The following NBAS variants were observed in gnomAD, a reference collection of about 807,000 sequenced individuals.
NBAS encodes the protein NBAS subunit of NRZ tethering complex, also known as NAG/BC035112 fusion.
Under a neutral mutation model 302.5 loss-of-function variants are expected in NBAS, and 219 were observed. The ratio of observed to expected loss-of-function variants is 0.72; its 90% confidence interval spans 0.65 to 0.81. The LOEUF is 0.81. NBAS is among the 30% of genes least tolerant of loss of function. The pLI is 0.00. For synonymous variants in NBAS, 1,118 were observed against 1,021.6 expected, an observed-to-expected ratio of 1.09 and a Z score of -1.80; for missense variants, 2,932 against 2,841.6, an observed-to-expected ratio of 1.03 and a Z score of -0.72.
chr2:15,351,612 A>T (rs1673360239), intron 35 of NBAS, among the ~76,000 whole-genome samples: 1 of 150,722 alleles, frequency 6.6e-6, no homozygotes, highest in Non-Finnish European at 1.5e-5. Flanking sequence ...TGGGAGGTGG[A>T]GGTTGCAGTG....
intron 38 of NBAS, among the ~76,000 whole-genome samples, chr2:15,319,924 T>G (rs898221953): frequency 2.2e-4 from 34 of 151,982 alleles, no homozygotes; most frequent in African/African-American, 7.5e-4. Flanking sequence ...TACCAAAGCC[T>G]GGCAGAGACA....
At chr2:15,129,752 C>T in the NBAS span, among the ~76,000 whole-genome samples, 1 of 152,198 alleles carries the variant, frequency 6.6e-6, no homozygotes, top group South Asian at 2.1e-4. Context: ...CTGACCTCTG[C>T]CTCCTTTGAG....
the NBAS span, among the ~76,000 whole-genome samples, chr2:15,004,750 C>A: frequency 6.8e-6 from 1 of 146,936 alleles, no homozygotes; most frequent in Non-Finnish European, 1.5e-5. Context: ...CTCAAGCGAT[C>A]CACCCCCCCT....
At chr2:15,071,329 G>A in the NBAS span, among the ~76,000 whole-genome samples, 1 of 152,134 alleles carries the variant, frequency 6.6e-6, no homozygotes, top group African/African-American at 2.4e-5. Context: ...GCCCAAGAAA[G>A]CCCCACCACA....
intron 12 of NBAS, among the ~76,000 whole-genome samples, chr2:15,486,672 C>T (rs974665231): frequency 2.4e-4 from 37 of 152,246 alleles, no homozygotes; most frequent in African/African-American, 8.7e-4. Context: ...TTTCTGACTG[C>T]ATATTTCAAA....
intron 12 of NBAS, among the ~76,000 whole-genome samples, chr2:15,487,424 C>T (rs1357002025): frequency 6.6e-6 from 1 of 152,100 alleles, no homozygotes; most frequent in Admixed American, 6.6e-5. Context: ...CCTAGAAGAC[C>T]CTGCTGGACC....
the NBAS span, among the ~76,000 whole-genome samples, chr2:15,105,354 C>T: frequency 5.3e-3 from 803 of 151,738 alleles, 10 homozygotes; most frequent in African/African-American, 0.019. Flanking sequence ...ATGTGTATAC[C>T]TATGTAACAA....
chr2:15,097,710 C>A, the NBAS span, among the ~76,000 whole-genome samples: 2 of 151,052 alleles, frequency 1.3e-5, no homozygotes, highest in East Asian at 2.0e-4. Flanking sequence ...AGGCTCATGG[C>A]CTAATCATCC....
the NBAS span, among the ~76,000 whole-genome samples, chr2:15,034,352 G>A: frequency 6.6e-6 from 1 of 152,102 alleles, no homozygotes; most frequent in African/African-American, 2.4e-5. Context: ...AAGCAAGCAA[G>A]AAAAAAGGGC....
In NBAS at chr2:15,173,538, A is replaced by AG. The variant is rs1664394786; in HGVS notation, c.6840+5449_6840+5450insC. Among the ~76,000 whole-genome samples the AG allele has an allele frequency of 3.9e-5, 6 of 152,350 alleles. No homozygotes were observed. In the South Asian group the frequency reaches 1.2e-3, roughly 32 times the overall value. ...GGGTAGAAAAATAAAAGGACAACGT[A>AG]AGTATACGCTTGAGAAAAACACATA... is the stretch of plus-strand genomic sequence containing the variant. On this transcript the variant is annotated intron_variant, in intron 51 of 51. Transcript: ENST00000281513.
chr2:15,341,723 T>C (rs147011618), intron 35 of NBAS, among the ~76,000 whole-genome samples: 229 of 152,276 alleles, frequency 1.5e-3, no homozygotes, highest in South Asian at 9.7e-3. Context: ...TTGTGAAGAA[T>C]GGAAATCTAT....
chr2:14,821,214 C>T, the NBAS span, among the ~76,000 whole-genome samples: 50 of 152,168 alleles, frequency 3.3e-4, no homozygotes, highest in Admixed American at 2.1e-3. Flanking sequence ...CGTGAGCCAC[C>T]GCGCCCGGCC....
At chr2:15,265,130 T>C (rs1553356684) in intron 44 of NBAS, among the ~76,000 whole-genome samples, 1 of 152,216 alleles carries the variant, frequency 6.6e-6, no homozygotes, top group Non-Finnish European at 1.5e-5. Context: ...TAAGACATTG[T>C]ATAGGCTGAT....
chr2:15,540,277 C>T (rs547223442), intron 6 of NBAS, among the ~76,000 whole-genome samples: 1 of 152,112 alleles, frequency 6.6e-6, no homozygotes, highest in East Asian at 2.0e-4. Flanking sequence ...TCTTTCCATG[C>T]AGTGCAGGTG....
intron 28 of NBAS, among the ~76,000 whole-genome samples, chr2:15,384,981 A>G (rs1049133295): frequency 2.2e-5 from 2 of 91,200 alleles, no homozygotes; most frequent in South Asian, 6.2e-4. Flanking sequence ...TGGGATCATT[A>G]CAGCAAAAAA....
intron 48 of NBAS, among the ~76,000 whole-genome samples, chr2:15,212,330 G>A (rs1666450725): frequency 6.6e-6 from 1 of 152,156 alleles, no homozygotes; most frequent in African/African-American, 2.4e-5. Flanking sequence ...ACCCTTCCGT[G>A]TTGCCTGAGC....
At chr2:15,226,994 C>G (rs987219207) in intron 47 of NBAS, among the ~76,000 whole-genome samples, 1 of 152,112 alleles carries the variant, frequency 6.6e-6, no homozygotes, top group Non-Finnish European at 1.5e-5. Flanking sequence ...TGTTCCAAAC[C>G]TTGGAGGAAA....
the NBAS span, among the ~76,000 whole-genome samples, chr2:14,833,301 G>C: frequency 6.6e-6 from 1 of 152,096 alleles, no homozygotes. Context: ...ACTCCCACTT[G>C]CCAGGGCAGG....
At chr2:15,190,574 G>A (rs1665304890) in intron 48 of NBAS, among the ~76,000 whole-genome samples, 171 bp from the exon 49 acceptor site, 1 of 152,158 alleles carries the variant, frequency 6.6e-6, no homozygotes, top group Non-Finnish European at 1.5e-5. Context: ...CTCAATGTCA[G>A]ATTATGTTAA....
Sources: gnomAD v4.1 joint callset for allele counts (sites outside exome capture counted in the v4.1 genomes callset) on GRCh38, gnomAD v4.1.1 for gene constraint, MANE v1.5 for transcripts, NCBI Gene and HGNC (gene_info 2026-07-23, HGNC 2026-07-21) for gene names.